GSE1: variants seen among roughly 807,000 people sequenced by gnomAD.
GSE1 encodes Gse1 coiled-coil protein.
Under a neutral mutation model 112.6 loss-of-function variants are expected in GSE1, and 32 were observed. That is an observed-to-expected ratio of 0.28 (90% CI 0.21 to 0.38). The LOEUF (loss-of-function observed/expected upper bound fraction) is 0.38, where lower values mean the gene tolerates loss of function less well. Among genes scored for constraint, GSE1 ranks in the 10% least tolerant of loss-of-function variants. GSE1 has a pLI of 1.00. For synonymous variants in GSE1, 1,115 were observed against 735.6 expected, an observed-to-expected ratio of 1.52 and a Z score of -8.35; for missense variants, 2,348 against 1,699.2, an observed-to-expected ratio of 1.38 and a Z score of -6.71.
At chr16:85,305,703 C>T (rs969186265) in intron 1 of GSE1, among the ~76,000 whole-genome samples, 10 of 151,870 alleles carry the variant, frequency 6.6e-5, no homozygotes, top group African/African-American at 2.2e-4. Context: ...TTTGAACTCC[C>T]GACCTCAGGT....
chr16:85,475,058 G>A lies in GSE1; in HGVS notation c.2464+117415G>A, dbSNP rs374773558. Among the ~76,000 whole-genome samples the A allele has an allele frequency of 1.3e-4, 20 of 152,126 alleles. No individual in the cohort carries two copies. The East Asian group carries it at 1.4e-3, about 10-fold the overall frequency. ...GCTACCACTAATGTGGCCCAGGGAC[G>A]ATAAATTGTGCCTTGTAATAACACT... On this transcript the variant is annotated intron_variant, in intron 2 of 2. Coordinates refer to the GSE1 transcript ENST00000637419.
chr16:85,501,034 C>T lies in GSE1; in HGVS notation c.2465-132880C>T, dbSNP rs1208536025. Among the ~76,000 whole-genome samples the T allele has an allele frequency of 3.9e-5, 4 of 103,496 alleles. No individual in the cohort carries two copies. In the Admixed American group the frequency reaches 4.3e-4, roughly 11 times the overall value. The allele number at this position is 103,496 out of a possible 152,430, so 67.9% of individuals were successfully genotyped here. ...TTTTTTTTTTTTTTTGAGACGGAGT[C>T]TCACTCTGTTGCCCAGGCTGGAGTG... On this transcript the variant is annotated intron_variant, in intron 2 of 2. Coordinates refer to the GSE1 transcript ENST00000637419.
chr16:85,258,907 G>A (rs1158094944), intron 1 of GSE1, among the ~76,000 whole-genome samples: 8 of 152,178 alleles, frequency 5.3e-5, no homozygotes, highest in South Asian at 2.1e-4. Context: ...CTGCCCTGCC[G>A]CGTGGTTGCT....
intron 2 of GSE1, among the ~76,000 whole-genome samples, chr16:85,641,383 G>A (rs986646881): frequency 1.3e-5 from 2 of 152,200 alleles, no homozygotes; most frequent in African/African-American, 2.4e-5. Flanking sequence ...ACTGTGGCAC[G>A]TGATGGCAGG....
chr16:85,569,974 G>A (rs570888761), intron 1 of GSE1, among the ~76,000 whole-genome samples: 47 of 151,354 alleles, frequency 3.1e-4, no homozygotes, highest in Admixed American at 3.9e-4. Context: ...CGCCTCTGTC[G>A]GAGGAGGACA....
chr16:85,303,170 C>T (rs748687506), intron 1 of GSE1, among the ~76,000 whole-genome samples: 1 of 152,216 alleles, frequency 6.6e-6, no homozygotes, highest in Non-Finnish European at 1.5e-5. Flanking sequence ...GTGGGGTGCC[C>T]GGCATTGAGG....
chr16:85,560,477 T>C (rs1426999073), intron 1 of GSE1, among the ~76,000 whole-genome samples: 4 of 152,166 alleles, frequency 2.6e-5, no homozygotes, highest in Non-Finnish European at 5.9e-5. Flanking sequence ...ACCAGGCCTC[T>C]TGCCGCCATG....
At chr16:85,291,001 G>T (rs185736919) in intron 1 of GSE1, among the ~76,000 whole-genome samples, 2 of 152,330 alleles carry the variant, frequency 1.3e-5, no homozygotes, top group Admixed American at 1.3e-4. Flanking sequence ...CATGGGAGGG[G>T]GCTGCAGGCC....
chr16:85,277,092 C>A (rs2144227722), intron 1 of GSE1, among the ~76,000 whole-genome samples: 1 of 152,178 alleles, frequency 6.6e-6, no homozygotes, highest in South Asian at 2.1e-4. Flanking sequence ...GGGGAAGGAG[C>A]TGGGGGAGGG....
chr16:85,587,535 T>G (rs2046764726), intron 1 of GSE1, among the ~76,000 whole-genome samples: 1 of 151,936 alleles, frequency 6.6e-6, no homozygotes, highest in African/African-American at 2.4e-5. Context: ...CAGCGGGGGC[T>G]TCACACCTTC....
intron 1 of GSE1, among the ~76,000 whole-genome samples, chr16:85,584,855 A>G (rs1012171834): frequency 6.6e-6 from 1 of 151,874 alleles, no homozygotes; most frequent in Non-Finnish European, 1.5e-5. Flanking sequence ...ACGCGTGCCA[A>G]GGTGGAGGCT....
chr16:85,589,587 G>A (rs772397782), intron 1 of GSE1, among the ~76,000 whole-genome samples: 1 of 152,220 alleles, frequency 6.6e-6, no homozygotes, highest in Non-Finnish European at 1.5e-5. Context: ...CATCGTGCCT[G>A]AGCATGTGTG....
intron 1 of GSE1, among the ~76,000 whole-genome samples, chr16:85,558,251 C>T (rs1224460260): frequency 6.6e-6 from 1 of 152,214 alleles, no homozygotes; most frequent in Non-Finnish European, 1.5e-5. Context: ...GGGTTTTTCT[C>T]GTCTGTCTCC....
intron 1 of GSE1, among the ~76,000 whole-genome samples, chr16:85,352,090 C>CGTGTGTGCATGCACATACACACAT (rs1489901408): frequency 6.6e-6 from 1 of 152,158 alleles, no homozygotes; most frequent in Non-Finnish European, 1.5e-5. Context: ...ACTGACCACA[C>CGTGTGTGCATGCACATACACACAT]GTGTGTGCAT....
chr16:85,170,867 A>G (rs1379746298), exon 1 of GSE1: 5 of 985,520 alleles, frequency 5.1e-6, no homozygotes, highest in East Asian at 2.3e-4. Context: ...CAGCGACTCT[A>G]TGTGGTGCCC....
rs150796327 is a variant in GSE1 at position 85,527,226 on chromosome 16, G to A, written c.2465-106688G>A. Among the ~76,000 whole-genome samples the A allele has an allele frequency of 8.7e-4, 133 of 152,358 alleles. 2 individuals carry two copies. The East Asian group carries it at 0.02, about 23-fold the overall frequency. ...CCTGGGCTTGTCTCCCCACTGGTCC[G>A]TGGGCGCGCAGGGGCTGGCTCCGGC... On this transcript the variant is annotated intron_variant, in intron 2 of 2. Transcript: ENST00000637419.
At chr16:85,527,372 C>T (rs972410076) in intron 2 of GSE1, among the ~76,000 whole-genome samples, 1 of 152,272 alleles carries the variant, frequency 6.6e-6, no homozygotes, top group Non-Finnish European at 1.5e-5. Context: ...AAGAGGTTCG[C>T]CCTCAGAAGA....
intron 2 of GSE1, among the ~76,000 whole-genome samples, chr16:85,436,235 G>A (rs112501346): frequency 2.0e-5 from 3 of 152,320 alleles, no homozygotes; most frequent in Admixed American, 6.5e-5. Context: ...CTTGCTCTTA[G>A]CAAAGCAGCC....
At chr16:85,589,144 G>T (rs1200275260) in intron 1 of GSE1, among the ~76,000 whole-genome samples, 3 of 152,028 alleles carry the variant, frequency 2.0e-5, no homozygotes, top group Non-Finnish European at 4.4e-5. Context: ...GGACTTTTCA[G>T]GCCCCACCCC....
Sources: gnomAD v4.1 joint callset for allele counts (sites outside exome capture counted in the v4.1 genomes callset) on GRCh38, gnomAD v4.1.1 for gene constraint, MANE v1.5 for transcripts, NCBI Gene and HGNC (gene_info 2026-07-23, HGNC 2026-07-21) for gene names.